Variants in PTPRD observed in about 807,000 individuals in gnomAD.
PTPRD encodes the protein receptor-type tyrosine-protein phosphatase delta.
A neutral mutation model predicts 214.5 loss-of-function variants in PTPRD; 34 were observed. The ratio of observed to expected loss-of-function variants is 0.16; its 90% CI spans 0.12 to 0.21. The LOEUF (loss-of-function observed/expected upper bound fraction) is 0.21. PTPRD is among the 10% of genes least tolerant of loss of function. The pLI, the probability that PTPRD is intolerant of heterozygous loss-of-function variation, is 1.00. For synonymous variants in PTPRD, 1,128 were observed against 845.7 expected, an observed-to-expected ratio of 1.33 and a Z score of -5.79; for missense variants, 2,545 against 2,398.7, an observed-to-expected ratio of 1.06 and a Z score of -1.27.
chr9:8,850,770 A>C lies in PTPRD; in HGVS notation c.-103-116824T>G, dbSNP rs187191349. Reference sequence around the variant, plus strand: ...TCTCAAAATTCTCTAATAATATTTCAGTTAAGTTACTACTACAAGTAGTTG... The same window carrying C: ...TCTCAAAATTCTCTAATAATATTTCCGTTAAGTTACTACTACAAGTAGTTG... On this transcript the variant is annotated intron_variant, in intron 11 of 45. Transcript: ENST00000381196. 1.4e-3 allele frequency among the ~76,000 whole-genome samples: 207 copies of C among 152,358 alleles called. 1 individual carries two copies. The highest frequency in any genetic ancestry group is 4.8e-3 in the African/African-American group (201 of 41,582).
rs544419494 is a variant in PTPRD at position 8,492,897 on chromosome 9, C to T, written c.2432G>A (p.Arg811His). The change falls in exon 27 of 46, where the codon CGC (arginine) becomes CAC (histidine). Residue 811 changes from arginine (R) to histidine (H), a missense_variant. By Grantham distance (29) the Arg-to-His change is conservative (BLOSUM62 0). Coordinates refer to ENST00000381196, the MANE Select transcript of PTPRD (RefSeq NM_002839.4). ...TAYTTKGDGARSKPKLVSTTG... is the reference protein window; with the variant it reads ...TAYTTKGDGAHSKPKLVSTTG... ...GGTGGACACCAGTTTGGGCTTGCTG[C>T]GAGCACCATCTCCTTTGGTTGTGTA... The T allele has an allele frequency of 4.7e-5, 76 of 1,613,754 alleles. No homozygotes were observed. The South Asian group carries it at 4.7e-4, about 10-fold the overall frequency.
intron 3 of PTPRD, among the ~76,000 whole-genome samples, chr9:10,246,896 A>G (rs535250137): frequency 1.3e-5 from 2 of 151,818 alleles, no homozygotes; most frequent in South Asian, 4.1e-4. Flanking sequence ...CTCTGTCTCA[A>G]TAAATAAATA....
intron 2 of PTPRD, among the ~76,000 whole-genome samples, chr9:10,383,747 T>C (rs990361943): frequency 6.6e-6 from 1 of 151,754 alleles, no homozygotes; most frequent in African/African-American, 2.4e-5. Context: ...CGTCATCCTA[T>C]AGACTTCAAA....
At chr9:8,752,807 C>T (rs965119256) in intron 11 of PTPRD, among the ~76,000 whole-genome samples, 1 of 152,158 alleles carries the variant, frequency 6.6e-6, no homozygotes, top group African/African-American at 2.4e-5. Flanking sequence ...GGGCCACCAA[C>T]AGCAGAACCA....
chr9:10,140,328 A>T (rs2098975057), intron 3 of PTPRD, among the ~76,000 whole-genome samples: 2 of 90,404 alleles, frequency 2.2e-5, no homozygotes, highest in Middle Eastern at 6.8e-3. Flanking sequence ...AATCATTAAT[A>T]AAAAAAAATT....
chr9:10,181,554 A>T (rs1228382876), intron 3 of PTPRD, among the ~76,000 whole-genome samples: 1 of 151,994 alleles, frequency 6.6e-6, no homozygotes. Context: ...TCAGTTAAAG[A>T]TCATCAGTTG....
chr9:10,447,237 C>T (rs1279197066), intron 2 of PTPRD, among the ~76,000 whole-genome samples: 2 of 151,906 alleles, frequency 1.3e-5, no homozygotes, highest in Non-Finnish European at 2.9e-5. Flanking sequence ...AGTGCCAAGT[C>T]AGCTAATTTT....
intron 8 of PTPRD, among the ~76,000 whole-genome samples, chr9:9,450,664 T>C (rs1190578088): frequency 1.3e-5 from 2 of 151,798 alleles, no homozygotes; most frequent in Non-Finnish European, 1.5e-5. Flanking sequence ...AAATGTTTCC[T>C]AGAATTTTGT....
intron 3 of PTPRD, among the ~76,000 whole-genome samples, chr9:10,125,223 T>C (rs953256237): frequency 9.2e-5 from 14 of 151,970 alleles, no homozygotes; most frequent in Admixed American, 6.6e-5. Context: ...ATTAAGATAC[T>C]ATTATACTAT....
intron 34 of PTPRD, among the ~76,000 whole-genome samples, chr9:8,448,060 A>G (rs1002452179): frequency 6.6e-6 from 1 of 152,038 alleles, no homozygotes; most frequent in Non-Finnish European, 1.5e-5. Context: ...AGTGGTGGCT[A>G]ATGCCTGTAA....
At chr9:10,562,523 A>G (rs947688420) in intron 2 of PTPRD, among the ~76,000 whole-genome samples, 1 of 152,104 alleles carries the variant, frequency 6.6e-6, no homozygotes, top group African/African-American at 2.4e-5. Context: ...ATGATCCAAA[A>G]CTTTAATAAT....
At chr9:9,831,145 G>A (rs894468200) in intron 5 of PTPRD, among the ~76,000 whole-genome samples, 32 of 151,896 alleles carry the variant, frequency 2.1e-4, no homozygotes, top group African/African-American at 7.0e-4. Flanking sequence ...GCACTATGAA[G>A]GTTAAGAGGA....
chr9:9,372,880 T>A (rs2059895649), intron 9 of PTPRD, among the ~76,000 whole-genome samples: 1 of 152,098 alleles, frequency 6.6e-6, no homozygotes, highest in Non-Finnish European at 1.5e-5. Context: ...GAAGCTTAGT[T>A]TGGCTGGATA....
intron 3 of PTPRD, among the ~76,000 whole-genome samples, chr9:10,102,646 T>C (rs927774298): frequency 3.7e-4 from 56 of 151,634 alleles, no homozygotes; most frequent in Non-Finnish European, 7.7e-4. Context: ...ATTTCAGATA[T>C]TCCCCTAGAT....
chr9:8,910,020 AATTTATTTATTTATTATTT>A (rs1044059970), intron 11 of PTPRD, among the ~76,000 whole-genome samples: 5 of 151,558 alleles, frequency 3.3e-5, no homozygotes, highest in African/African-American at 9.7e-5. Context: ...CTTATGTAGA[AATTTATTTATTTATTATTT>A]ATTTATTTAT....
intron 30 of PTPRD, among the ~76,000 whole-genome samples, chr9:8,471,455 TAAG>T (rs939787987): frequency 3.9e-5 from 6 of 152,250 alleles, no homozygotes; most frequent in Non-Finnish European, 5.9e-5. Context: ...CATGAATTTA[TAAG>T]AAGATGTTTT....
intron 3 of PTPRD, among the ~76,000 whole-genome samples, chr9:10,089,384 C>G (rs531881995): frequency 1.2e-4 from 18 of 151,382 alleles, no homozygotes; most frequent in South Asian, 6.2e-4. Flanking sequence ...ACTTATTTTG[C>G]CTTCTTTTTG....
intron 7 of PTPRD, among the ~76,000 whole-genome samples, chr9:9,720,393 T>C (rs1464714758): frequency 6.6e-6 from 1 of 152,200 alleles, no homozygotes; most frequent in Middle Eastern, 3.2e-3. Context: ...AAAAATATCA[T>C]TTCCATAGCT....
chr9:9,489,558 G>C (rs989885728), intron 8 of PTPRD, among the ~76,000 whole-genome samples: 4 of 152,114 alleles, frequency 2.6e-5, no homozygotes, highest in African/African-American at 9.7e-5. Context: ...TATTGATTTA[G>C]AGCTAGAAAA....
Sources: gnomAD v4.1 joint callset for allele counts (sites outside exome capture counted in the v4.1 genomes callset) on GRCh38, gnomAD v4.1.1 for gene constraint, MANE v1.5 for transcripts, NCBI Gene and HGNC (gene_info 2026-07-23, HGNC 2026-07-21) for gene names.